The following DOCK9 variants were observed in gnomAD, a reference collection of about 807,000 sequenced individuals.
DOCK9 encodes dedicator of cytokinesis 9, also known as dedicator of cytokinesis protein 9.
A neutral mutation model predicts 263.3 loss-of-function variants in DOCK9; 89 were observed. The observed-to-expected ratio is 0.34, with a 90% CI of 0.28 to 0.40. The LOEUF is 0.40. Among genes scored for constraint, DOCK9 ranks in the 10% least tolerant of loss-of-function variants. The pLI is 1.00. For synonymous variants in DOCK9, 976 were observed against 973.1 expected (o/e 1.00, Z -0.06); for missense variants, 2,140 against 2,603.4 (o/e 0.82, Z 3.87).
chr13:99,009,330 C>T (rs181518652), intron 1 of DOCK9, among the ~76,000 whole-genome samples: 26 of 152,096 alleles, frequency 1.7e-4, no homozygotes, highest in Admixed American at 1.7e-3. Context: ...CTGTTGTGAT[C>T]AAAACAGACA....
At chr13:98,855,339 C>T (rs553341436) in intron 34 of DOCK9, among the ~76,000 whole-genome samples, 40 of 152,196 alleles carry the variant, frequency 2.6e-4, no homozygotes, top group Middle Eastern at 3.4e-3. Flanking sequence ...TTTGGGAGGC[C>T]GAGGCGGGCG....
intron 38 of DOCK9, among the ~76,000 whole-genome samples, chr13:98,841,436 G>A (rs1313677394): frequency 2.6e-5 from 4 of 152,114 alleles, no homozygotes; most frequent in Non-Finnish European, 4.4e-5. Flanking sequence ...TATCAGACCT[G>A]CTCACCTCTG....
rs77778920 is a variant in DOCK9, at chr13:98,955,513, A to G, written c.165T>C (p.Asn55=). The G allele has an allele frequency of 6.4e-4, 1,021 of 1,597,988 alleles. 8 individuals carry two copies. The African/African-American group carries it at 0.011, about 18-fold the overall frequency. Residue 55 remains asparagine, a synonymous_variant, in exon 2 of 53, where the codon AAT becomes AAC. Coordinates refer to ENST00000682017, the MANE Select transcript of DOCK9 (RefSeq NM_001366683.2). Reference sequence around the variant, plus strand: ...TCTGAGTCTTCTTCTGGACGATGACATTTTCATAGTCGAGTGGCTCAATTA... The same window carrying G: ...TCTGAGTCTTCTTCTGGACGATGACGTTTTCATAGTCGAGTGGCTCAATTA... ...PKLIEPLDYE[N]VIVQKKTQIL... is the part of the protein sequence containing the mutation.
At position 98,915,347 on chromosome 13, in the gene DOCK9, T is replaced by C. The variant is rs143122739; in HGVS notation, c.874A>G (p.Asn292Asp). Residue 292 changes from asparagine (N) to aspartate (D), a missense_variant, in exon 8 of 53, where the codon AAT becomes GAT. Physicochemically the swap from Asn to Asp is conservative, Grantham distance 23. This residue lies in a region of DOCK9 where 1,521 missense variants were observed against 1,741.7 expected (regional missense o/e 0.87). Transcript: ENST00000682017. ...TATCTACCTTCGTGAGAGTCGCCAT[T>C]TCGCTTTTCTTGCATTGCAGCTTCA... ...NFEAAMQEKR[N>D]GDSHEDDEQS... is the part of the protein sequence containing the mutation. 6.2e-7 allele frequency: 1 copy of C among 1,613,850 alleles called. No individual in the cohort carries two copies. Among genetic ancestry groups the C allele is most frequent in the Non-Finnish European group, 8.5e-7 (1 of 1,179,836 alleles).
At chr13:99,033,297 C>T (rs1184230618) in intron 1 of DOCK9, among the ~76,000 whole-genome samples, 1 of 152,174 alleles carries the variant, frequency 6.6e-6, no homozygotes, top group Non-Finnish European at 1.5e-5. Context: ...GATAAGATTA[C>T]AAGATATGGG....
chr13:98,975,311 G>A (rs1451159631), intron 1 of DOCK9, among the ~76,000 whole-genome samples: 16 of 150,768 alleles, frequency 1.1e-4, no homozygotes, highest in Admixed American at 2.0e-4. Flanking sequence ...GCAGTGGGCC[G>A]AGATCGTACC....
intron 1 of DOCK9, among the ~76,000 whole-genome samples, chr13:98,986,022 G>T (rs900663999): frequency 6.6e-6 from 1 of 152,202 alleles, no homozygotes; most frequent in African/African-American, 2.4e-5. Context: ...TATTCTTCGT[G>T]AAAAACATGA....
intron 50 of DOCK9, 109 bp from the exon 51 acceptor site, chr13:98,797,598 C>T: frequency 1.2e-6 from 1 of 866,594 alleles, no homozygotes; most frequent in African/African-American, 1.7e-5. Flanking sequence ...GAGCTACTCA[C>T]AATCCCTGCC....
At chr13:98,990,935 T>C (rs1396473944) in intron 1 of DOCK9, among the ~76,000 whole-genome samples, 2 of 152,256 alleles carry the variant, frequency 1.3e-5, no homozygotes, top group Admixed American at 6.5e-5. Context: ...GATTCATGCA[T>C]TAAATTCCTT....
chr13:98,824,641 T>C (rs2140725726), intron 44 of DOCK9, 137 bp from the exon 45 acceptor site: 2 of 711,702 alleles, frequency 2.8e-6, no homozygotes, highest in South Asian at 3.5e-5. Flanking sequence ...CAGGCCAGCA[T>C]TCACGGGGGT....
intron 1 of DOCK9, among the ~76,000 whole-genome samples, chr13:99,029,043 G>C (rs12859255): frequency 0.11 from 16,017 of 152,174 alleles, 1,001 homozygotes; most frequent in South Asian, 0.19. Context: ...GGACACTAGA[G>C]GGAGACTAGC....
At chr13:98,863,577 T>C in intron 30 of DOCK9, 29 bp from the exon 31 acceptor site, 1 of 1,570,978 alleles carries the variant, frequency 6.4e-7, no homozygotes. Flanking sequence ...CTACTTGAGT[T>C]AGGAAAGATG....
chr13:98,897,548 C>A lies in DOCK9; in HGVS notation c.1649G>T (p.Arg550Met). 2.5e-6 allele frequency: 4 copies of A among 1,613,966 alleles called. No individual in the cohort carries two copies. Among genetic ancestry groups the A allele is most frequent in the Non-Finnish European group, 3.4e-6 (4 of 1,179,868 alleles). Residue 550 changes from arginine (R) to methionine (M), a missense_variant, in exon 15 of 53, where the codon AGG becomes ATG. Arg to Met is a moderately conservative substitution (Grantham distance 91). Coordinates refer to ENST00000682017, the MANE Select transcript of DOCK9 (RefSeq NM_001366683.2). ...DKNARFSAIYRQDSNKLSNDD... is the reference protein window; with the variant it reads ...DKNARFSAIYMQDSNKLSNDD... ...ATTGGATAGCTTATTGCTGTCTTGC[C>A]TGTAGATGGCAGAAAATCTGGCATT...
intron 1 of DOCK9, among the ~76,000 whole-genome samples, chr13:98,996,300 G>A (rs191001584): frequency 3.3e-4 from 51 of 152,240 alleles, no homozygotes; most frequent in South Asian, 1.0e-3. Flanking sequence ...CAGTGTCCAC[G>A]GCACAAAGCA....
chr13:98,885,536 TAA>T (rs11411440), intron 20 of DOCK9, 170 bp downstream of exon 20: 967 of 476,312 alleles, frequency 2.0e-3, no homozygotes, highest in East Asian at 2.8e-3. Context: ...GCTCAAAAAT[TAA>T]AAAAAAAAAA....
intron 35 of DOCK9, 109 bp from the exon 36 acceptor site, chr13:98,850,222 G>A: frequency 1.3e-6 from 1 of 743,738 alleles, no homozygotes; most frequent in Non-Finnish European, 2.1e-6. Context: ...TCTAAACCCT[G>A]GAGTGTAGGC....
chr13:98,988,445 CA>C (rs1277383006), intron 1 of DOCK9, among the ~76,000 whole-genome samples: 1 of 152,190 alleles, frequency 6.6e-6, no homozygotes, highest in African/African-American at 2.4e-5. Flanking sequence ...CACCCTGAGA[CA>C]GGTCTCTTAT....
In DOCK9 at chr13:98,809,362, A is replaced by G; in HGVS notation, c.5357T>C (p.Phe1786Ser). Reference protein sequence around the residue: ...RLLGTYFRVAFFGQGFFEDED... With the variant: ...RLLGTYFRVASFGQGFFEDED... ...GGACAGGAGGCTCACCTGCCCGAAG[A>G]AGGCTACCCGGAAGTAGGTCCCCAG... Residue 1786 changes from phenylalanine (F) to serine (S), a missense_variant, in exon 47 of 53, where the codon TTC becomes TCC. Phe to Ser is a radical substitution (Grantham distance 155). Transcript: ENST00000682017. 6.2e-7 allele frequency: 1 copy of G among 1,613,818 alleles called. No individual in the cohort carries two copies. The highest frequency in any genetic ancestry group is 8.5e-7 in the Non-Finnish European group (1 of 1,179,858).
chr13:98,877,383 G>A (rs1469775929), intron 27 of DOCK9, among the ~76,000 whole-genome samples: 1 of 152,228 alleles, frequency 6.6e-6, no homozygotes, highest in Non-Finnish European at 1.5e-5. Flanking sequence ...TCAGAAAGGT[G>A]TCACTGGCGC....
Sources: allele counts gnomAD v4.1 joint callset (sites outside exome capture counted in the v4.1 genomes callset), GRCh38; gene constraint gnomAD v4.1.1; regional missense constraint gnomAD v4.1.1; transcripts MANE v1.5; gene names NCBI Gene and HGNC (gene_info 2026-07-23, HGNC 2026-07-21).